The following EFCAB8 variants were observed in gnomAD, a reference collection of about 807,000 sequenced individuals.
EFCAB8 encodes EF-hand calcium-binding domain-containing protein 8.
EFCAB8 carries 100 observed loss-of-function variants against 116.3 expected under a neutral mutation model. The observed-to-expected ratio is 0.86, with a 90% confidence interval of 0.73 to 1.02. The LOEUF is 1.02. Ranked by LOEUF, EFCAB8 falls within the 50% of genes least tolerant of loss-of-function variation. The pLI, the probability that EFCAB8 is intolerant of heterozygous loss-of-function variation, is 0.00. For missense variants in EFCAB8, 1,320 were observed against 1,416.9 expected (o/e 0.93, Z 1.10); for synonymous variants, 558 against 567.9 (o/e 0.98, Z 0.25).
At chr20:32,862,972 T>C (rs1984191052) in intron 1 of EFCAB8, among the ~76,000 whole-genome samples, 1 of 151,910 alleles carries the variant, frequency 6.6e-6, no homozygotes, top group Non-Finnish European at 1.5e-5. Flanking sequence ...TTGTTCAGAC[T>C]GTCTGGCCAG....
At chr20:32,875,497 T>C (rs1022580907) in intron 3 of EFCAB8, among the ~76,000 whole-genome samples, 5 of 143,194 alleles carry the variant, frequency 3.5e-5, no homozygotes, top group Non-Finnish European at 6.1e-5. Flanking sequence ...CTGGTAAACA[T>C]GGTGGTTTTT....
chr20:32,880,325 A>G (rs924469386), intron 5 of EFCAB8, among the ~76,000 whole-genome samples: 19 of 151,574 alleles, frequency 1.3e-4, no homozygotes, highest in Non-Finnish European at 1.5e-4. Context: ...TTGGAGTGCA[A>G]TGGCTTGATC....
chr20:32,871,221 A>C lies in EFCAB8; in HGVS notation c.208+3474A>C, dbSNP rs2146177716. Among the ~76,000 whole-genome samples, 2 of 151,960 alleles carry C rather than the reference A, an allele frequency of 1.3e-5. 1 individual carries two copies. The highest frequency in any genetic ancestry group is 4.2e-4 in the South Asian group (2 of 4,800). On this transcript the variant is annotated intron_variant, in intron 3 of 26. Transcript: ENST00000400522. ...CCTCCCTTTTTTTATATGCAGTGGCAGCCTATTGTCCACACTGTTCTATTC... is the reference window on the plus strand; with the variant it reads ...CCTCCCTTTTTTTATATGCAGTGGCCGCCTATTGTCCACACTGTTCTATTC...
intron 9 of EFCAB8, among the ~76,000 whole-genome samples, chr20:32,895,164 C>G (rs772222733): frequency 6.6e-6 from 1 of 152,212 alleles, no homozygotes. Flanking sequence ...TGGCTCTACT[C>G]GTCTGTGTCA....
chr20:32,918,237 A>G lies in EFCAB8; in HGVS notation c.2062-125A>G, dbSNP rs1364093064. On this transcript the variant is annotated intron_variant, in intron 18 of 26. Transcript: ENST00000400522. ...CTGGTCTGATGCCTTTAAGGGGGCT[A>G]GGTTTCTGGGAAGCAAGCCCTGGGG... 5.5e-6 allele frequency: 5 copies of G among 906,866 alleles called. No homozygotes were observed. The African/African-American group carries it at 6.7e-5, about 12-fold the overall frequency. 56.2% of individuals were successfully genotyped at this position (906,866 alleles called of 1,614,324 possible).
At chr20:32,906,660 C>T (rs1986687499) in intron 12 of EFCAB8, 31 bp downstream of exon 12, 2 of 717,688 alleles carry the variant, frequency 2.8e-6, no homozygotes, top group South Asian at 3.0e-5. Flanking sequence ...CCAGAAGCTG[C>T]TGGGGGGAGG....
In EFCAB8 at chr20:32,960,082, C is replaced by G; in HGVS notation, c.3314C>G (p.Ala1105Gly). 6.4e-7 allele frequency: 1 copy of G among 1,551,664 alleles called. No homozygotes were observed. Among genetic ancestry groups the G allele is most frequent in the Non-Finnish European group, 8.7e-7 (1 of 1,146,984 alleles). ...RDKQVSKVLGAAYKPKERLQN... is the reference protein window; with the variant it reads ...RDKQVSKVLGGAYKPKERLQN... ...CTGCAGGTGAGCAAAGTCTTGGGAGCGGCGTATAAGCCCAAGGAACGCTTG... is the reference window on the plus strand; with the variant it reads ...CTGCAGGTGAGCAAAGTCTTGGGAGGGGCGTATAAGCCCAAGGAACGCTTG... The change falls in exon 26 of 27, where the codon GCG becomes GGG. Residue 1105 changes from alanine to glycine, a missense_variant. Transcript: ENST00000400522.
intron 7 of EFCAB8, among the ~76,000 whole-genome samples, chr20:32,889,630 T>A (rs544276385): frequency 3.8e-4 from 58 of 152,280 alleles, no homozygotes; most frequent in African/African-American, 1.3e-3. Context: ...CCAGAGGCCA[T>A]ACTGGTCCAT....
At chr20:32,868,390 T>C (rs575740445) in intron 3 of EFCAB8, among the ~76,000 whole-genome samples, 2 of 152,254 alleles carry the variant, frequency 1.3e-5, no homozygotes, top group South Asian at 2.1e-4. Flanking sequence ...ATCTAGTGTC[T>C]CCTGTAAAAC....
chr20:32,872,467 G>C (rs1984729236), intron 3 of EFCAB8, among the ~76,000 whole-genome samples: 1 of 152,120 alleles, frequency 6.6e-6, no homozygotes, highest in Non-Finnish European at 1.5e-5. Context: ...TCTCAGGCTG[G>C]AGTGGGAGAT....
chr20:32,883,370 GC>G (rs1366008677), intron 5 of EFCAB8, among the ~76,000 whole-genome samples: 1 of 152,182 alleles, frequency 6.6e-6, no homozygotes, highest in African/African-American at 2.4e-5. Context: ...TTTGTCGTAA[GC>G]CCCAGGAAAT....
chr20:32,867,879 C>T, intron 3 of EFCAB8, 132 bp downstream of exon 3: 3 of 1,060,016 alleles, frequency 2.8e-6, no homozygotes, highest in South Asian at 3.4e-5. Flanking sequence ...ATTGCTCTGT[C>T]ACCCAGTCTG....
chr20:32,939,754 G>GCC lies in EFCAB8; in HGVS notation c.2791-3881_2791-3880insCC, dbSNP rs1988329370. 3.5e-5 allele frequency among the ~76,000 whole-genome samples: 5 copies of GCC among 143,230 alleles called. 1 individual carries two copies. Among genetic ancestry groups the GCC allele is most frequent in the Non-Finnish European group, 7.6e-5 (5 of 65,432 alleles). 94.0% of individuals were successfully genotyped at this position (143,230 alleles called of 152,430 possible). On this transcript the variant is annotated intron_variant, in intron 22 of 26. Transcript: ENST00000400522. ...CTGGTACCCAGGCTGGAGTGCAGTG[G>GCC]CGCCACCTCGGTTCACTGCAACCTC...
At chr20:32,930,872 C>T (rs1987882413) in intron 21 of EFCAB8, among the ~76,000 whole-genome samples, 2 of 152,284 alleles carry the variant, frequency 1.3e-5, no homozygotes, top group Admixed American at 1.3e-4. Flanking sequence ...TCCCTCATCC[C>T]GAAGTCATGT....
chr20:32,935,841 TA>T (rs1399501229), intron 22 of EFCAB8, among the ~76,000 whole-genome samples: 3 of 152,120 alleles, frequency 2.0e-5, no homozygotes, highest in Admixed American at 2.0e-4. Context: ...GTTTTCTGGC[TA>T]TTGAGTTGTT....
intron 3 of EFCAB8, among the ~76,000 whole-genome samples, chr20:32,872,145 A>G (rs970298959): frequency 3.9e-5 from 6 of 152,172 alleles, no homozygotes; most frequent in African/African-American, 1.2e-4. Flanking sequence ...CTGTTGTATC[A>G]TTGTGCTGGG....
At chr20:32,877,128 C>T (rs1425794118) in intron 4 of EFCAB8, among the ~76,000 whole-genome samples, 4 of 151,852 alleles carry the variant, frequency 2.6e-5, no homozygotes, top group African/African-American at 7.3e-5. Context: ...CGTTAACTGC[C>T]GTCTCATAGC....
chr20:32,907,646 T>A (rs1720199701), intron 13 of EFCAB8, among the ~76,000 whole-genome samples: 1 of 152,120 alleles, frequency 6.6e-6, no homozygotes, highest in South Asian at 2.1e-4. Context: ...CTCCAACATA[T>A]CCACACACCC....
intron 13 of EFCAB8, 48 bp from the exon 14 acceptor site, chr20:32,908,227 C>T (rs1177050324): frequency 2.4e-6 from 3 of 1,248,190 alleles, no homozygotes; most frequent in Non-Finnish European, 3.0e-6. Flanking sequence ...GAGCCGGCTA[C>T]ATCCCCGAGA....
Sources: allele counts gnomAD v4.1 joint callset (sites outside exome capture counted in the v4.1 genomes callset), GRCh38; gene constraint gnomAD v4.1.1; transcripts MANE v1.5; gene names NCBI Gene and HGNC (gene_info 2026-07-23, HGNC 2026-07-21).